The following ESRRB variants were observed in gnomAD, a reference collection of about 807,000 sequenced individuals.
The protein encoded by ESRRB is steroid hormone receptor ERR2.
In ESRRB, 16 loss-of-function variants were observed where a neutral mutation model predicts 46.0. That is an observed-to-expected ratio of 0.35 (90% confidence interval 0.24 to 0.53). ESRRB has a LOEUF of 0.53. Ranked by LOEUF, ESRRB falls within the 20% of genes least tolerant of loss-of-function variation. ESRRB has a pLI of 0.93. For missense variants in ESRRB, 488 were observed against 607.4 expected, an observed-to-expected ratio of 0.80 and a Z score of 2.07; for synonymous variants, 246 against 259.6, an observed-to-expected ratio of 0.95 and a Z score of 0.50.
At chr14:76,328,700 T>A (rs1883967287) in intron 1 of ESRRB, among the ~76,000 whole-genome samples, 1 of 152,074 alleles carries the variant, frequency 6.6e-6, no homozygotes. Flanking sequence ...CACAGACCCT[T>A]CATGACTCTG....
At chr14:76,341,951 A>C (rs1342882307) in intron 1 of ESRRB, among the ~76,000 whole-genome samples, 1 of 152,232 alleles carries the variant, frequency 6.6e-6, no homozygotes, top group Non-Finnish European at 1.5e-5. Context: ...TACTCTGGCA[A>C]GAGTCCACAT....
intron 1 of ESRRB, among the ~76,000 whole-genome samples, chr14:76,344,314 T>C (rs1286625007): frequency 6.6e-6 from 1 of 152,186 alleles, no homozygotes; most frequent in Non-Finnish European, 1.5e-5. Context: ...CAGGTGGTAT[T>C]TGGTTACATG....
chr14:76,415,048 C>T lies in ESRRB; in HGVS notation c.51-24293C>T, dbSNP rs1399452527. Among the ~76,000 whole-genome samples, 6 of 152,228 alleles carry T rather than the reference C, an allele frequency of 3.9e-5. No individual in the cohort carries two copies. In the East Asian group the frequency reaches 1.2e-3, roughly 29 times the overall value. ...ATTCAATATCACAGCTACCTCTGGG[C>T]CAGCACTTCTCAGGGTGCTGTGGGG... is the stretch of plus-strand genomic sequence containing the variant. On this transcript the variant is annotated intron_variant, in intron 1 of 6. Transcript: ENST00000644823.
At chr14:76,319,863 A>G (rs1883847420) in intron 1 of ESRRB, among the ~76,000 whole-genome samples, 1 of 152,168 alleles carries the variant, frequency 6.6e-6, no homozygotes, top group Non-Finnish European at 1.5e-5. Flanking sequence ...AGTCAGCAGC[A>G]TGGCTAAGGG....
chr14:76,326,643 G>C lies in ESRRB; in HGVS notation c.2+15727G>C, dbSNP rs546526647. Among the ~76,000 whole-genome samples, 6 of 152,302 alleles carry C rather than the reference G, an allele frequency of 3.9e-5. No individual in the cohort carries two copies. In the South Asian group the frequency reaches 1.2e-3, roughly 32 times the overall value. On this transcript the variant is annotated intron_variant, in intron 1 of 6. Transcript: ENST00000512784. ...GTGGTAACAAGGTCAGTCTAATCTA[G>C]AACTTTGCTGACTCAAGAGTTTGGC...
chr14:76,394,617 C>T lies in ESRRB; in HGVS notation c.50+18166C>T, dbSNP rs147012716. On this transcript the variant is annotated intron_variant, in intron 1 of 6. Coordinates refer to ENST00000644823, the MANE Select transcript of ESRRB (RefSeq NM_001379180.1). ...GATGAGGGCCTTGGCTACAGTTCTG[C>T]AGCTTGGGTGCAGAAGGAAAGCCAG... is the stretch of plus-strand genomic sequence containing the variant. Among the ~76,000 whole-genome samples, 1,037 of 152,346 alleles carry T rather than the reference C, an allele frequency of 6.8e-3. 18 individuals are homozygous for T. The highest frequency in any genetic ancestry group is 0.024 in the African/African-American group (984 of 41,578).
intron 1 of ESRRB, among the ~76,000 whole-genome samples, chr14:76,329,878 G>T (rs989470502): frequency 3.3e-5 from 5 of 150,084 alleles, no homozygotes; most frequent in African/African-American, 9.7e-5. Context: ...TGTGCGGGGG[G>T]GATAATTGTC....
Position 76,376,562 on chromosome 14 carries a change from C to CG in ESRRB, c.50+118dup, listed in dbSNP as rs34803646. On this transcript the variant is annotated intron_variant, in intron 1 of 6. Transcript: ENST00000644823. The surrounding 1 kb of genome is among the most constrained non-coding windows in gnomAD (Gnocchi z 4.1). ...TCTTGTGTAAAAGTGGAAGGGACTT[C>CG]GGGGGGGCACTTGGGGGACGAAGGA... is the stretch of plus-strand genomic sequence containing the variant. 3.2e-4 allele frequency: 211 copies of CG among 656,812 alleles called. 2 individuals are homozygous for CG. In the South Asian group the frequency reaches 7.5e-3, roughly 23 times the overall value. The allele number at this position is 656,812 out of a possible 1,614,324, so 40.7% of individuals were successfully genotyped here.
At chr14:76,416,497 G>T (rs112480532) in intron 1 of ESRRB, among the ~76,000 whole-genome samples, 4,714 of 151,560 alleles carry the variant, frequency 0.031, 129 homozygotes, top group African/African-American at 0.075. Context: ...GAGATGGAGT[G>T]TCACTCTTGT....
At position 76,462,578 on chromosome 14, in the gene ESRRB, A is replaced by C; in HGVS notation, c.494A>C (p.Glu165Ala). 1.9e-6 allele frequency: 3 copies of C among 1,614,090 alleles called. No homozygotes were observed. The highest frequency in any genetic ancestry group is 2.5e-6 in the Non-Finnish European group (3 of 1,179,998). Residue 165 changes from glutamate to alanine, a missense_variant, in exon 3 of 7, where the codon GAG becomes GCG. By Grantham distance (107) the Glu-to-Ala change is moderately radical. Coordinates refer to ENST00000644823, the MANE Select transcript of ESRRB (RefSeq NM_001379180.1). ...NIEYSCPATN[E>A]CEITKRRRKS... Reference sequence around the variant, plus strand: ...GAGTACAGCTGCCCGGCCACCAACGAGTGCGAGATCACCAAACGGAGGCGC... The same window carrying C: ...GAGTACAGCTGCCCGGCCACCAACGCGTGCGAGATCACCAAACGGAGGCGC...
At chr14:76,315,027 C>T (rs1366038915) in intron 1 of ESRRB, among the ~76,000 whole-genome samples, 1 of 152,082 alleles carries the variant, frequency 6.6e-6, no homozygotes, top group Non-Finnish European at 1.5e-5. Context: ...ATGAGGTCAG[C>T]AGAGGCACCA....
intron 1 of ESRRB, among the ~76,000 whole-genome samples, chr14:76,365,983 A>T (rs536626532): frequency 4.6e-5 from 7 of 152,142 alleles, no homozygotes; most frequent in Non-Finnish European, 1.0e-4. Context: ...GTAGCAGACT[A>T]TTGGTTGCCA....
At chr14:76,375,447 G>A (rs1008379735), upstream of ESRRB, among the ~76,000 whole-genome samples, 1 of 152,178 alleles carries the variant, frequency 6.6e-6, no homozygotes, top group African/African-American at 2.4e-5. Flanking sequence ...AAGCAGACAG[G>A]AATTTATTTG....
intron 1 of ESRRB, among the ~76,000 whole-genome samples, chr14:76,361,762 T>C (rs575702748): frequency 6.6e-6 from 1 of 152,290 alleles, no homozygotes; most frequent in African/African-American, 2.4e-5. Flanking sequence ...AGCCCTGACA[T>C]TGTTGGGGAC....
At chr14:76,419,712 C>G (rs548888322) in intron 1 of ESRRB, among the ~76,000 whole-genome samples, 6 of 152,170 alleles carry the variant, frequency 3.9e-5, no homozygotes, top group Non-Finnish European at 8.8e-5. Flanking sequence ...CACAATAACT[C>G]CATGAGTTAT....
intron 1 of ESRRB, among the ~76,000 whole-genome samples, chr14:76,353,077 T>C (rs1352487198): frequency 6.7e-6 from 1 of 149,334 alleles, no homozygotes; most frequent in Non-Finnish European, 1.5e-5. Flanking sequence ...TGGCTTTCTC[T>C]CTCTCCATTG....
At chr14:76,469,945 T>TG (rs1889308580) in intron 3 of ESRRB, among the ~76,000 whole-genome samples, 1 of 111,202 alleles carries the variant, frequency 9.0e-6, no homozygotes, top group African/African-American at 4.1e-5. Flanking sequence ...TTTTTTTTTC[T>TG]TTTTTTTTTT....
At chr14:76,397,631 A>T (rs1217326277) in intron 1 of ESRRB, among the ~76,000 whole-genome samples, 3 of 152,354 alleles carry the variant, frequency 2.0e-5, no homozygotes, top group African/African-American at 7.2e-5. Flanking sequence ...CAGGCCAGGC[A>T]TGGTGGCTCG....
upstream of ESRRB, among the ~76,000 whole-genome samples, chr14:76,366,702 G>GAGA: frequency 6.6e-6 from 1 of 152,320 alleles, no homozygotes; most frequent in South Asian, 2.1e-4. Flanking sequence ...CAGGTGTGGT[G>GAGA]GGAGGAGAGC....
Sources: allele counts gnomAD v4.1 joint callset (sites outside exome capture counted in the v4.1 genomes callset), GRCh38; gene constraint gnomAD v4.1.1; non-coding constraint Gnocchi (gnomAD v3.1); transcripts MANE v1.5; gene names NCBI Gene and HGNC (gene_info 2026-07-23, HGNC 2026-07-21).